Variants in CSGALNACT1 observed in about 807,000 individuals in gnomAD.
The protein encoded by CSGALNACT1 is chondroitin sulfate N-acetylgalactosaminyltransferase 1.
Under a neutral mutation model 51.0 loss-of-function variants are expected in CSGALNACT1, and 52 were observed. The ratio of observed to expected loss-of-function variants is 1.02; its 90% confidence interval spans 0.82 to 1.29. CSGALNACT1 has a LOEUF of 1.29. Among genes scored for constraint, CSGALNACT1 ranks in the 50% most tolerant of loss-of-function variants. The pLI, the probability that CSGALNACT1 is intolerant of heterozygous loss-of-function variation, is 0.00. For missense variants in CSGALNACT1, 935 were observed against 679.2 expected (o/e 1.38, Z -4.19); for synonymous variants, 341 against 254.4 (o/e 1.34, Z -3.24).
intron 3 of CSGALNACT1, among the ~76,000 whole-genome samples, chr8:19,561,787 G>T (rs1347411159): frequency 2.6e-5 from 4 of 152,216 alleles, no homozygotes; most frequent in African/African-American, 9.6e-5. Context: ...TGAACCAATA[G>T]TGAGGAAGGC....
intron 4 of CSGALNACT1, among the ~76,000 whole-genome samples, chr8:19,503,161 A>G (rs1587382394): frequency 6.6e-6 from 1 of 152,256 alleles, no homozygotes; most frequent in Non-Finnish European, 1.5e-5. Flanking sequence ...CTCTATAAAT[A>G]TATTTAAAGT....
At chr8:19,430,464 G>C (rs2059485876) in intron 6 of CSGALNACT1, among the ~76,000 whole-genome samples, 1 of 152,104 alleles carries the variant, frequency 6.6e-6, no homozygotes, top group African/African-American at 2.4e-5. Context: ...TTCTTAAAAA[G>C]ATGATTCTTT....
rs78698751 is a variant in CSGALNACT1, at chr8:19,538,417, G to T, written c.-296-32287C>A. 7.9e-3 allele frequency among the ~76,000 whole-genome samples: 1,200 copies of T among 152,240 alleles called. 16 individuals are homozygous for T. Among genetic ancestry groups the T allele is most frequent in the African/African-American group, 0.027 (1,137 of 41,546 alleles). ...AGAAGACATGAACAGACATTTCACT[G>T]TGGTAGAAAATCAGCTAGGAGGCCA... On this transcript the variant is annotated intron_variant, in intron 3 of 9. Coordinates refer to ENST00000454498, the Ensembl canonical transcript of CSGALNACT1.
chr8:19,693,037 C>G (rs149736931), intron 1 of CSGALNACT1, among the ~76,000 whole-genome samples: 67 of 152,308 alleles, frequency 4.4e-4, no homozygotes, highest in African/African-American at 1.5e-3. Flanking sequence ...TGCCAGGAGT[C>G]TCGCTCCATC....
At chr8:19,442,521 G>C (rs2061484722) in intron 5 of CSGALNACT1, among the ~76,000 whole-genome samples, 1 of 147,766 alleles carries the variant, frequency 6.8e-6, no homozygotes, top group Admixed American at 6.8e-5. Context: ...ATTGAACAAT[G>C]AGAACACACG....
At chr8:19,663,866 A>C (rs2058968876) in intron 1 of CSGALNACT1, among the ~76,000 whole-genome samples, 1 of 152,210 alleles carries the variant, frequency 6.6e-6, no homozygotes, top group Admixed American at 6.5e-5. Flanking sequence ...TTCATGTTTG[A>C]TATGGTCCCA....
At chr8:19,736,834 G>T (rs2064008287) in intron 1 of CSGALNACT1, among the ~76,000 whole-genome samples, 1 of 151,932 alleles carries the variant, frequency 6.6e-6, no homozygotes, top group South Asian at 2.1e-4. Context: ...GGGGAAAGAG[G>T]TTATTTTCAA....
At chr8:19,559,083 C>G (rs2040126919) in intron 3 of CSGALNACT1, among the ~76,000 whole-genome samples, 2 of 152,196 alleles carry the variant, frequency 1.3e-5, no homozygotes, top group African/African-American at 4.8e-5. Context: ...CAGGGAACTT[C>G]AGAATGAAAT....
At chr8:19,548,382 A>G (rs1379760568) in intron 3 of CSGALNACT1, among the ~76,000 whole-genome samples, 1 of 152,216 alleles carries the variant, frequency 6.6e-6, no homozygotes, top group Non-Finnish European at 1.5e-5. Context: ...CTCTAAACTC[A>G]TGATTCATAT....
At chr8:19,632,513 A>AAGG (rs1209627252) in intron 1 of CSGALNACT1, among the ~76,000 whole-genome samples, 1 of 152,266 alleles carries the variant, frequency 6.6e-6, no homozygotes, top group African/African-American at 2.4e-5. Flanking sequence ...AACATTTGGA[A>AAGG]TACCTTTCCT....
Position 19,721,797 on chromosome 8 carries a change from G to A in CSGALNACT1, c.-297+36053C>T, listed in dbSNP as rs532272857. Among the ~76,000 whole-genome samples the A allele has an allele frequency of 2.0e-5, 3 of 152,300 alleles. No homozygotes were observed. The East Asian group carries it at 5.8e-4, about 29-fold the overall frequency. On this transcript the variant is annotated intron_variant, in intron 1 of 1. Coordinates refer to the CSGALNACT1 transcript ENST00000517494. Reference sequence around the variant, plus strand: ...GCACGATATATGCAAATTAAAACATGCTAATTGGCTTTAGCTGTTCCTTTA... The same window carrying A: ...GCACGATATATGCAAATTAAAACATACTAATTGGCTTTAGCTGTTCCTTTA...
intron 1 of CSGALNACT1, among the ~76,000 whole-genome samples, chr8:19,715,083 G>A (rs1174011939): frequency 6.6e-6 from 1 of 152,194 alleles, no homozygotes; most frequent in Non-Finnish European, 1.5e-5. Context: ...GGAAGCCTCA[G>A]AATCATGGTG....
At chr8:19,490,073 A>C (rs1334895129) in intron 4 of CSGALNACT1, among the ~76,000 whole-genome samples, 3 of 152,346 alleles carry the variant, frequency 2.0e-5, no homozygotes, top group African/African-American at 7.2e-5. Context: ...AAATATTTCT[A>C]ACTCTGGGAT....
At chr8:19,450,813 G>A (rs927157372) in intron 5 of CSGALNACT1, among the ~76,000 whole-genome samples, 3 of 152,056 alleles carry the variant, frequency 2.0e-5, no homozygotes, top group African/African-American at 7.2e-5. Flanking sequence ...AGGAGTCTGA[G>A]GGGGGAGGAT....
exon 1 of CSGALNACT1, chr8:19,682,546 C>A: frequency 6.9e-6 from 3 of 433,940 alleles, no homozygotes; most frequent in South Asian, 3.2e-5. Flanking sequence ...CCGGTCTTTG[C>A]TGTCAGTACT....
intron 3 of CSGALNACT1, among the ~76,000 whole-genome samples, chr8:19,541,473 C>A (rs950475462): frequency 2.7e-5 from 4 of 149,886 alleles, no homozygotes; most frequent in Non-Finnish European, 4.4e-5. Flanking sequence ...AGGATGGTCT[C>A]GATCTCCTGA....
intron 6 of CSGALNACT1, among the ~76,000 whole-genome samples, chr8:19,426,898 C>T (rs777061389): frequency 2.0e-5 from 3 of 152,178 alleles, no homozygotes; most frequent in East Asian, 3.9e-4. Context: ...CTTCATGTAA[C>T]GCTTCTCACA....
At chr8:19,485,017 C>A (rs1454434430) in intron 4 of CSGALNACT1, among the ~76,000 whole-genome samples, 1 of 152,140 alleles carries the variant, frequency 6.6e-6, no homozygotes, top group Admixed American at 6.5e-5. Flanking sequence ...GAACTTCCAG[C>A]CTGCCAGTGG....
chr8:19,676,596 A>T (rs1002607756), intron 1 of CSGALNACT1, among the ~76,000 whole-genome samples: 10 of 152,240 alleles, frequency 6.6e-5, no homozygotes, highest in Non-Finnish European at 1.5e-4. Flanking sequence ...AAAAGATGTA[A>T]TACATGCTGT....
Sources: allele counts gnomAD v4.1 joint callset (sites outside exome capture counted in the v4.1 genomes callset), GRCh38; gene constraint gnomAD v4.1.1; transcripts MANE v1.5; gene names NCBI Gene and HGNC (gene_info 2026-07-23, HGNC 2026-07-21).